Variants in MORC1 observed in about 807,000 individuals in gnomAD.
MORC1 encodes MORC family CW-type zinc finger 1.
In MORC1, 59 loss-of-function variants were observed where a neutral mutation model predicts 134.9. The ratio of observed to expected loss-of-function variants is 0.44; its 90% confidence interval spans 0.35 to 0.54. The LOEUF (loss-of-function observed/expected upper bound fraction) is 0.54, where lower values mean the gene tolerates loss of function less well. Among genes scored for constraint, MORC1 ranks in the 20% least tolerant of loss-of-function variants. The probability of loss-of-function intolerance (pLI) is 0.00; values close to 1 mark genes in which losing one functional copy is unlikely to be tolerated. For synonymous variants in MORC1, 395 were observed against 391.7 expected (o/e 1.01, Z -0.10); for missense variants, 947 against 1,134.5 (o/e 0.83, Z 2.37).
At chr3:109,051,529 A>G (rs1559921146) in intron 14 of MORC1, among the ~76,000 whole-genome samples, 1 of 152,108 alleles carries the variant, frequency 6.6e-6, no homozygotes, top group African/African-American at 2.4e-5. Context: ...AAGTTTGAGG[A>G]TGAAGTGAAA....
intron 27 of MORC1, among the ~76,000 whole-genome samples, chr3:108,963,187 CAAA>C (rs34109895): frequency 5.3e-5 from 6 of 112,254 alleles, no homozygotes; most frequent in African/African-American, 6.5e-5. Context: ...GACTCCATCT[CAAA>C]AAAAAAAAAA....
rs948373391 is a variant in MORC1, at chr3:109,084,156, T to C, written c.689+9280A>G. Among the ~76,000 whole-genome samples the C allele has an allele frequency of 4.6e-5, 7 of 152,040 alleles. No individual in the cohort carries two copies. In the South Asian group the frequency reaches 8.3e-4, roughly 18 times the overall value. ...TTCATAATACTGAAAGTTCTGGTCA[T>C]AGCAATTAGCCAAGAGAAAGAAATA... On this transcript the variant is annotated intron_variant, in intron 8 of 27. Transcript: ENST00000232603.
chr3:109,089,613 T>C (rs1199299440), intron 8 of MORC1, among the ~76,000 whole-genome samples: 1 of 150,756 alleles, frequency 6.6e-6, no homozygotes, highest in Non-Finnish European at 1.5e-5. Context: ...ACAAATGGAC[T>C]ATTTAAAGAG....
intron 1 of MORC1, among the ~76,000 whole-genome samples, chr3:109,115,587 C>T (rs565133331): frequency 7.2e-5 from 11 of 152,122 alleles, no homozygotes; most frequent in African/African-American, 2.4e-4. Flanking sequence ...AATCACAAGC[C>T]CTTCTAGGAA....
At chr3:109,053,940 A>G (rs1949888419) in intron 14 of MORC1, among the ~76,000 whole-genome samples, 1 of 152,164 alleles carries the variant, frequency 6.6e-6, no homozygotes, top group Non-Finnish European at 1.5e-5. Flanking sequence ...TTTAATTGAA[A>G]TCTTTCTGGA....
At chr3:109,051,167 C>T (rs1349438727) in intron 14 of MORC1, among the ~76,000 whole-genome samples, 1 of 152,176 alleles carries the variant, frequency 6.6e-6, no homozygotes, top group Non-Finnish European at 1.5e-5. Context: ...AGATTGTTAG[C>T]ATCAGCTGGG....
intron 14 of MORC1, among the ~76,000 whole-genome samples, chr3:109,043,674 T>C (rs889581934): frequency 1.4e-4 from 21 of 152,348 alleles, no homozygotes; most frequent in African/African-American, 4.6e-4. Context: ...TAAAAGTTAC[T>C]TCTCCATGAG....
chr3:108,965,552 T>C (rs1032283844), intron 26 of MORC1, among the ~76,000 whole-genome samples: 14 of 152,170 alleles, frequency 9.2e-5, no homozygotes, highest in Non-Finnish European at 1.9e-4. Context: ...GAGATAATTA[T>C]GGTAATGAGA....
chr3:108,996,286 G>GCGCGCGCGCACACACACACACA, intron 21 of MORC1, among the ~76,000 whole-genome samples: 45 of 146,464 alleles, frequency 3.1e-4, no homozygotes, highest in Admixed American at 8.1e-4. Flanking sequence ...GCGCGCGCGC[G>GCGCGCGCGCACACACACACACA]CACACACACA....
chr3:109,118,038 G>C lies in MORC1; in HGVS notation c.22C>G (p.Leu8Val). Residue 8 changes from leucine (L) to valine (V), a missense_variant, in exon 1 of 28, where the codon CTT (leucine) becomes GTT (valine). By Grantham distance (32) the Leu-to-Val change is conservative. Coordinates refer to ENST00000232603, the MANE Select transcript of MORC1 (RefSeq NM_014429.4). MDDRYPA[L>V]QRAQLRLDFI... ...TCCAGACGCAGCTGGGCCCGCTGAAGCGCAGGGTACCTGTCGTCCATGCCC... is the reference window on the plus strand; with the variant it reads ...TCCAGACGCAGCTGGGCCCGCTGAACCGCAGGGTACCTGTCGTCCATGCCC... 1.9e-6 allele frequency: 3 copies of C among 1,609,794 alleles called. No homozygotes were observed. Among genetic ancestry groups the C allele is most frequent in the Non-Finnish European group, 2.5e-6 (3 of 1,178,446 alleles).
chr3:109,056,216 A>C (rs1463341147), intron 13 of MORC1, among the ~76,000 whole-genome samples: 3 of 151,916 alleles, frequency 2.0e-5, no homozygotes, highest in African/African-American at 7.3e-5. Context: ...AATCCAACTA[A>C]TCTAGGTTTT....
chr3:109,017,873 A>T (rs1350956686), intron 17 of MORC1, among the ~76,000 whole-genome samples: 1 of 152,202 alleles, frequency 6.6e-6, no homozygotes, highest in African/African-American at 2.4e-5. Context: ...AGACTATTAC[A>T]TTTCTTTATG....
chr3:109,016,848 G>C (rs112098682), intron 17 of MORC1, among the ~76,000 whole-genome samples: 39 of 152,178 alleles, frequency 2.6e-4, no homozygotes, highest in African/African-American at 8.9e-4. Context: ...CTGGGTGACA[G>C]AGCAAAACTC....
intron 14 of MORC1, among the ~76,000 whole-genome samples, chr3:109,045,014 C>T (rs1004058415): frequency 6.7e-6 from 1 of 150,140 alleles, no homozygotes; most frequent in African/African-American, 2.5e-5. Flanking sequence ...GTTCATAGAA[C>T]ATACAATGAC....
chr3:109,094,118 A>G (rs780393398), intron 7 of MORC1, among the ~76,000 whole-genome samples: 10 of 152,170 alleles, frequency 6.6e-5, no homozygotes, highest in Non-Finnish European at 1.5e-4. Context: ...ACATAAATGA[A>G]TGAGTGTGGT....
intron 2 of MORC1, among the ~76,000 whole-genome samples, chr3:109,111,062 A>AAAAC (rs754101647): frequency 9.5e-4 from 138 of 145,502 alleles, no homozygotes; most frequent in Admixed American, 1.4e-3. Context: ...AAAAAAAAAA[A>AAAAC]AAAAAACAAA....
At chr3:109,053,681 C>T (rs13075225) in intron 14 of MORC1, among the ~76,000 whole-genome samples, 120,232 of 152,076 alleles carry the variant, frequency 0.79, 49,097 homozygotes, top group East Asian at 1. Context: ...CTATGCTCAA[C>T]ACCAGGGTGA....
chr3:108,979,649 C>T lies in MORC1; in HGVS notation c.2343G>A (p.Met781Ile), dbSNP rs751712209. The T allele has an allele frequency of 1.2e-5, 19 of 1,613,742 alleles. No individual in the cohort carries two copies. The highest frequency in any genetic ancestry group is 1.6e-4 in the Middle Eastern group (1 of 6,084). ...PSWKSLLNVP[M>I]EDVNLSSGHI... ...GTCCAGAACTTAGATTCACATCTTC[C>T]ATCGGCACATTGAGCAAGCTGAGGT... The change falls in exon 24 of 28, where the codon ATG (methionine) becomes ATA (isoleucine). Residue 781 changes from methionine to isoleucine, a missense_variant. Met to Ile is a conservative substitution (Grantham distance 10). Coordinates refer to ENST00000232603, the MANE Select transcript of MORC1 (RefSeq NM_014429.4).
At chr3:109,073,233 C>T (rs1950355242) in intron 8 of MORC1, among the ~76,000 whole-genome samples, 1 of 152,208 alleles carries the variant, frequency 6.6e-6, no homozygotes, top group Non-Finnish European at 1.5e-5. Flanking sequence ...TGCCATGCAT[C>T]ATGGGTGGAT....
Sources: allele counts gnomAD v4.1 joint callset (sites outside exome capture counted in the v4.1 genomes callset), GRCh38; gene constraint gnomAD v4.1.1; transcripts MANE v1.5; gene names NCBI Gene and HGNC (gene_info 2026-07-23, HGNC 2026-07-21).